Variants in PHACTR2 observed in about 807,000 individuals in gnomAD.
PHACTR2 encodes the protein phosphatase and actin regulator 2, also known as chromosome 6 open reading frame 56.
PHACTR2 carries 30 observed loss-of-function variants against 76.0 expected under a neutral mutation model. The observed-to-expected ratio is 0.39, with a 90% CI of 0.30 to 0.54. PHACTR2 has a LOEUF of 0.54. PHACTR2 is among the 20% of genes least tolerant of loss of function. PHACTR2 has a pLI of 0.61. For synonymous variants in PHACTR2, 292 were observed against 292.5 expected (o/e 1.00, Z 0.02); for missense variants, 696 against 781.1 (o/e 0.89, Z 1.30).
chr6:143,660,552 G>A (rs148554930), intron 1 of PHACTR2, among the ~76,000 whole-genome samples: 1 of 152,266 alleles, frequency 6.6e-6, no homozygotes, highest in East Asian at 1.9e-4. Flanking sequence ...TCAGACATAA[G>A]CAGTGTATTG....
chr6:143,637,296 T>C (rs1176958324), intron 1 of PHACTR2, among the ~76,000 whole-genome samples: 1 of 151,858 alleles, frequency 6.6e-6, no homozygotes, highest in Non-Finnish European at 1.5e-5. Flanking sequence ...TTTTTCTAAG[T>C]TAACCATTCT....
intron 5 of PHACTR2, among the ~76,000 whole-genome samples, chr6:143,763,233 C>T (rs1427354681): frequency 1.3e-5 from 2 of 152,016 alleles, no homozygotes; most frequent in Non-Finnish European, 2.9e-5. Context: ...GTGGTGGGCA[C>T]CTGTAATCCC....
chr6:143,745,537 C>A (rs1274211610), intron 2 of PHACTR2, among the ~76,000 whole-genome samples: 1 of 152,188 alleles, frequency 6.6e-6, no homozygotes, highest in East Asian at 1.9e-4. Flanking sequence ...AGATTCATTG[C>A]AATGCAAACC....
rs1310183474 is a variant in PHACTR2 at position 143,619,624 on chromosome 6, T to C, written c.13+11302T>C. Among the ~76,000 whole-genome samples the C allele has an allele frequency of 6.6e-6, 1 of 152,330 alleles. No homozygotes were observed. The highest frequency in any genetic ancestry group is 2.1e-4 in the South Asian group (1 of 4,830). On this transcript the variant is annotated intron_variant, in intron 1 of 11. Coordinates refer to the PHACTR2 transcript ENST00000305766. This position sits in a 1 kb window ranked among gnomAD's most constrained non-coding sequence, Gnocchi z 4.5. ...TCCTCCACTTACTGTGGAAAGGGAC[T>C]CGGTAGCTTTTGTATCATTAACTGA...
chr6:143,809,291 A>T lies in PHACTR2; in HGVS notation c.1922+2158A>T, dbSNP rs1159736927. ...TTTCTGTTCTGTTGTACTCTATATGAAGAAGCACAATAAAATTGGAGTACA... is the reference window on the plus strand; with the variant it reads ...TTTCTGTTCTGTTGTACTCTATATGTAGAAGCACAATAAAATTGGAGTACA... On this transcript the variant is annotated intron_variant, in intron 12 of 12. Transcript: ENST00000440869. This position sits in a 1 kb window ranked among gnomAD's most constrained non-coding sequence, Gnocchi z 4.2. Among the ~76,000 whole-genome samples, 1 of 152,356 alleles carries T rather than the reference A, an allele frequency of 6.6e-6. No individual in the cohort carries two copies. Among genetic ancestry groups the T allele is most frequent in the East Asian group, 1.9e-4 (1 of 5,186 alleles).
chr6:143,731,038 A>C lies in PHACTR2; in HGVS notation c.215-17947A>C, dbSNP rs763343865. 1.3e-5 allele frequency among the ~76,000 whole-genome samples: 2 copies of C among 152,176 alleles called. No homozygotes were observed. Among genetic ancestry groups the C allele is most frequent in the Non-Finnish European group, 2.9e-5 (2 of 68,020 alleles). The stretch of plus-strand genomic sequence containing the variant: ...GCTGAGATTACAGGCGTGAGCCACC[A>C]CGTCCAGCCCAGTTGAAGGTTTTTA... On this transcript the variant is annotated intron_variant, in intron 2 of 12. Transcript: ENST00000440869. This position sits in a 1 kb window ranked among gnomAD's most constrained non-coding sequence, Gnocchi z 4.9.
At position 143,625,498 on chromosome 6, in the gene PHACTR2, T is replaced by A. The variant is rs963387291; in HGVS notation, c.13+17176T>A. ...CAACATCAAAAAGGATAATAAATAT[T>A]ATTGATAACTTATCGAATAGGTAAT... is the stretch of plus-strand genomic sequence containing the variant. On this transcript the variant is annotated intron_variant, in intron 1 of 11. Transcript: ENST00000305766. This position sits in a 1 kb window ranked among gnomAD's most constrained non-coding sequence, Gnocchi z 4.3. Among the ~76,000 whole-genome samples, 1 of 152,204 alleles carries A rather than the reference T, an allele frequency of 6.6e-6. No homozygotes were observed. The highest frequency in any genetic ancestry group is 1.9e-4 in the East Asian group (1 of 5,202).
chr6:143,700,275 C>A lies in PHACTR2; in HGVS notation c.47-11741C>A, dbSNP rs1272394196. On this transcript the variant is annotated intron_variant, in intron 1 of 12. Coordinates refer to ENST00000440869, the MANE Select transcript of PHACTR2 (RefSeq NM_001100164.2). The surrounding 1 kb of genome is among the most constrained non-coding windows in gnomAD (Gnocchi z 4.1). Reference sequence around the variant, plus strand: ...TTACTTAAAAACTGTGATATTTCAGCCAGGCGCGGTGGCTCATGCCTGTAA... The same window carrying A: ...TTACTTAAAAACTGTGATATTTCAGACAGGCGCGGTGGCTCATGCCTGTAA... 6.6e-6 allele frequency among the ~76,000 whole-genome samples: 1 copy of A among 152,130 alleles called. No individual in the cohort carries two copies. Among genetic ancestry groups the A allele is most frequent in the Non-Finnish European group, 1.5e-5 (1 of 68,002 alleles).
At chr6:143,745,235 C>G (rs12216126) in intron 2 of PHACTR2, among the ~76,000 whole-genome samples, 44,425 of 152,002 alleles carry the variant, frequency 0.29, 7,581 homozygotes, top group Non-Finnish European at 0.38. Context: ...TAACAGCAGG[C>G]TCTCAGTGAT....
At chr6:143,607,124 T>C (rs1338096387), upstream of PHACTR2, among the ~76,000 whole-genome samples, 1 of 152,156 alleles carries the variant, frequency 6.6e-6, no homozygotes, top group African/African-American at 2.4e-5. Flanking sequence ...AATAAACAAA[T>C]TGCCTTTCAA....
chr6:143,799,567 G>C (rs1775907458), intron 11 of PHACTR2, among the ~76,000 whole-genome samples: 1 of 152,230 alleles, frequency 6.6e-6, no homozygotes, highest in Non-Finnish European at 1.5e-5. Context: ...CTGTGTCCCA[G>C]AGATTCTGGT....
intron 1 of PHACTR2, among the ~76,000 whole-genome samples, chr6:143,594,876 A>G (rs1223729185): frequency 6.6e-5 from 10 of 152,230 alleles, no homozygotes. Flanking sequence ...CGTTGCTGTC[A>G]GGTGGGGTGA....
In PHACTR2 at chr6:143,547,751, C is replaced by T. The variant is rs146361523; in HGVS notation, c.217+10544C>T. On this transcript the variant is annotated intron_variant, in intron 1 of 11. Coordinates refer to the PHACTR2 transcript ENST00000367584. This position sits in a 1 kb window ranked among gnomAD's most constrained non-coding sequence, Gnocchi z 4.2. ...CCATTAACCGGGAAGGAGAGTGTGG[C>T]TTCATGATACCTTGCGGCCAGGAAC... Among the ~76,000 whole-genome samples, 23 of 152,322 alleles carry T rather than the reference C, an allele frequency of 1.5e-4. No homozygotes were observed. Among genetic ancestry groups the T allele is most frequent in the African/African-American group, 5.5e-4 (23 of 41,564 alleles).
Position 143,760,179 on chromosome 6 carries a change from C to T in PHACTR2, c.455-222C>T, listed in dbSNP as rs1337326025. 6.6e-6 allele frequency among the ~76,000 whole-genome samples: 1 copy of T among 152,142 alleles called. No individual in the cohort carries two copies. The highest frequency in any genetic ancestry group is 1.5e-5 in the Non-Finnish European group (1 of 68,040). ...TTTCGTCAAAGTAGTTTGTATAACC[C>T]GGTTTTATTAAAGGGTGATTCGTGT... On this transcript the variant is annotated intron_variant, in intron 4 of 12. Transcript: ENST00000440869. The surrounding 1 kb of genome is among the most constrained non-coding windows in gnomAD (Gnocchi z 6.4).
At chr6:143,740,508 T>TAAAAAAAAAAA (rs10638908) in intron 2 of PHACTR2, among the ~76,000 whole-genome samples, 5 of 128,684 alleles carry the variant, frequency 3.9e-5, no homozygotes, top group South Asian at 2.6e-4. Context: ...TCCTTTTAAT[T>TAAAAAAAAAAA]AAAAAAAAAA....
chr6:143,825,282 G>T lies in PHACTR2; in HGVS notation c.*1593G>T, dbSNP rs978739350. On this transcript the variant is annotated 3_prime_UTR_variant, in exon 13 of 13. Coordinates refer to ENST00000440869, the MANE Select transcript of PHACTR2 (RefSeq NM_001100164.2). The surrounding 1 kb of genome is among the most constrained non-coding windows in gnomAD (Gnocchi z 4.1). ...CAACCGAAAAGTAAGCATTTAACCC[G>T]GTGAATAAATGTAGATCCTGCCATT... The T allele has an allele frequency of 2.0e-5, 3 of 152,086 alleles. No individual in the cohort carries two copies. The highest frequency in any genetic ancestry group is 4.4e-5 in the Non-Finnish European group (3 of 68,014). 9.4% of individuals were successfully genotyped at this position (152,086 alleles called of 1,614,324 possible). A position where few individuals can be genotyped will look rare whatever the true frequency, so the allele number is the denominator to read the frequency against.
At chr6:143,661,929 C>T (rs960131206) in intron 1 of PHACTR2, among the ~76,000 whole-genome samples, 1 of 152,156 alleles carries the variant, frequency 6.6e-6, no homozygotes, top group South Asian at 2.1e-4. Flanking sequence ...GAAAACCCCT[C>T]AGCAAAAGAC....
At chr6:143,657,592 G>A (rs771549124) in intron 1 of PHACTR2, among the ~76,000 whole-genome samples, 11 of 152,302 alleles carry the variant, frequency 7.2e-5, no homozygotes, top group African/African-American at 2.2e-4. Context: ...AGATGAACAC[G>A]CAGGGCATTG....
chr6:143,812,646 C>T (rs779584958), intron 12 of PHACTR2, among the ~76,000 whole-genome samples: 8 of 152,220 alleles, frequency 5.3e-5, no homozygotes, highest in Non-Finnish European at 1.0e-4. Context: ...ATGGTCCCCA[C>T]AAGAAGTCAT....
Sources: gnomAD v4.1 joint callset for allele counts (sites outside exome capture counted in the v4.1 genomes callset) on GRCh38, gnomAD v4.1.1 for gene constraint, Gnocchi (gnomAD v3.1) non-coding constraint, MANE v1.5 for transcripts, NCBI Gene and HGNC (gene_info 2026-07-23, HGNC 2026-07-21) for gene names.